The following DHRS3 variants were observed in gnomAD, a reference collection of about 807,000 sequenced individuals.
DHRS3 encodes dehydrogenase/reductase 3, also known as short-chain dehydrogenase/reductase 3.
Under a neutral mutation model 27.2 loss-of-function variants are expected in DHRS3, and 14 were observed. That is an observed-to-expected ratio of 0.52 (90% CI 0.34 to 0.81). The LOEUF (loss-of-function observed/expected upper bound fraction) is 0.81. Ranked by LOEUF, DHRS3 falls within the 30% of genes least tolerant of loss-of-function variation. DHRS3 has a pLI of 0.01. For synonymous variants in DHRS3, 165 were observed against 175.9 expected (o/e 0.94, Z 0.49); for missense variants, 322 against 406.2 (o/e 0.79, Z 1.78).
In DHRS3 at chr1:12,568,442, AAAG is replaced by A; in HGVS notation, c.825-21_825-19del. 6.2e-7 allele frequency: 1 copy of A among 1,611,718 alleles called. No individual in the cohort carries two copies. The highest frequency in any genetic ancestry group is 1.1e-5 in the South Asian group (1 of 91,038). ...GAAGTATGCTGGAGTAGGAGGAAGA[AAAG>A]AAGATAGCGATGGTTAGTGGGGCAG... On this transcript the variant is annotated intron_variant, in intron 5 of 5. Coordinates refer to ENST00000616661, the MANE Select transcript of DHRS3 (RefSeq NM_004753.7).
chr1:12,602,883 G>A (rs1362102607), intron 1 of DHRS3, among the ~76,000 whole-genome samples: 5 of 152,224 alleles, frequency 3.3e-5, no homozygotes, highest in East Asian at 3.8e-4. Flanking sequence ...GGCCTCTACC[G>A]CCCAAAAGAT....
intron 5 of DHRS3, chr1:12,570,167 T>G (rs1415579718): frequency 2.0e-5 from 3 of 152,320 alleles, no homozygotes; most frequent in South Asian, 4.1e-4. Flanking sequence ...GATGACGGTG[T>G]GGATCTGAGG....
rs956835440 is a variant in DHRS3, at chr1:12,593,976, G to A, written c.196-13310C>T. Among the ~76,000 whole-genome samples the A allele has an allele frequency of 2.0e-5, 3 of 152,190 alleles. No homozygotes were observed. The highest frequency in any genetic ancestry group is 2.9e-5 in the Non-Finnish European group (2 of 68,044). ...CCCAGGGCCGCACTTGGCAAAACAC[G>A]GAGGCAGAGAAACTCAGGCTAGAGT... On this transcript the variant is annotated intron_variant, in intron 1 of 5. Transcript: ENST00000616661. The surrounding 1 kb of genome is among the most constrained non-coding windows in gnomAD (Gnocchi z 4.6).
intron 2 of DHRS3, 44 bp downstream of exon 2, chr1:12,580,479 C>G (rs1180296800): frequency 6.2e-7 from 1 of 1,613,904 alleles, no homozygotes; most frequent in African/African-American, 1.3e-5. Flanking sequence ...CGGAATTAGC[C>G]TGTGGTCAGC....
At chr1:12,583,060 C>G (rs1203955445) in intron 1 of DHRS3, among the ~76,000 whole-genome samples, 1 of 146,686 alleles carries the variant, frequency 6.8e-6, no homozygotes, top group Admixed American at 7.0e-5. Flanking sequence ...ATCCACTCAC[C>G]TACCCCATTC....
chr1:12,580,951 T>A (rs1646638967), intron 1 of DHRS3, among the ~76,000 whole-genome samples: 1 of 151,710 alleles, frequency 6.6e-6, no homozygotes, highest in Admixed American at 6.6e-5. Flanking sequence ...GCCTCCGGAG[T>A]GGCTGGGACC....
rs1036363275 is a variant in DHRS3 at position 12,574,641 on chromosome 1, G to C, written c.699-1788C>G. ...GTGGCCTGGCCTGTCTCTTGGGAAA[G>C]GGAAGGCAGGATGGACAGACCAAAG... On this transcript the variant is annotated intron_variant, in intron 4 of 5. Coordinates refer to ENST00000616661, the MANE Select transcript of DHRS3 (RefSeq NM_004753.7). The surrounding 1 kb of genome is among the most constrained non-coding windows in gnomAD (Gnocchi z 4.6). Among the ~76,000 whole-genome samples, 1 of 152,198 alleles carries C rather than the reference G, an allele frequency of 6.6e-6. No individual in the cohort carries two copies. The highest frequency in any genetic ancestry group is 2.4e-5 in the African/African-American group (1 of 41,438).
chr1:12,610,748 C>T (rs1053427827), intron 1 of DHRS3, among the ~76,000 whole-genome samples: 3 of 152,182 alleles, frequency 2.0e-5, no homozygotes, highest in African/African-American at 4.8e-5. Flanking sequence ...TCAATGGTTT[C>T]GTAATCCTCG....
rs563181421 is a variant in DHRS3, at chr1:12,593,916, C to A, written c.196-13250G>T. On this transcript the variant is annotated intron_variant, in intron 1 of 5. Transcript: ENST00000616661. This position sits in a 1 kb window ranked among gnomAD's most constrained non-coding sequence, Gnocchi z 4.6. ...TCTTTTCACAAACATCCCCAGCCTACAAGACTGGCCAGGGGCTCCACCTCC... is the reference window on the plus strand; with the variant it reads ...TCTTTTCACAAACATCCCCAGCCTAAAAGACTGGCCAGGGGCTCCACCTCC... 6.6e-5 allele frequency among the ~76,000 whole-genome samples: 10 copies of A among 152,354 alleles called. No individual in the cohort carries two copies. The highest frequency in any genetic ancestry group is 4.1e-4 in the South Asian group (2 of 4,826).
rs940128627 is a variant in DHRS3 at position 12,586,120 on chromosome 1, C to T, written c.196-5454G>A. 2.0e-5 allele frequency among the ~76,000 whole-genome samples: 3 copies of T among 152,204 alleles called. No homozygotes were observed. The highest frequency in any genetic ancestry group is 4.4e-5 in the Non-Finnish European group (3 of 68,044). On this transcript the variant is annotated intron_variant, in intron 1 of 5. Transcript: ENST00000616661. The surrounding 1 kb of genome is among the most constrained non-coding windows in gnomAD (Gnocchi z 5.0). ...GAAAGACCTCTGGTCTCCGGGGCCC[C>T]GGGCTGTCCTGCCCTTGCCCAGAGC...
intron 5 of DHRS3, among the ~76,000 whole-genome samples, chr1:12,571,421 C>A (rs1646535431): frequency 6.6e-6 from 1 of 152,116 alleles, no homozygotes; most frequent in African/African-American, 2.4e-5. Context: ...AGTAAACTTC[C>A]TGAGGGCAGG....
intron 1 of DHRS3, chr1:12,616,746 G>C (rs56359798): frequency 9.8e-7 from 1 of 1,015,908 alleles, no homozygotes; most frequent in Non-Finnish European, 1.2e-6. Flanking sequence ...CGAGGCGCCA[G>C]CTAGCAGGCG....
Position 12,578,286 on chromosome 1 carries a change from C to T in DHRS3, c.698+432G>A, listed in dbSNP as rs1202997801. ...GCAGACCGAGAACCAGGTAAGACAG[C>T]GTCAAACAGAGGGTAGAGGCTCCTT... On this transcript the variant is annotated intron_variant, in intron 4 of 5. Transcript: ENST00000616661. This position sits in a 1 kb window ranked among gnomAD's most constrained non-coding sequence, Gnocchi z 4.5. Among the ~76,000 whole-genome samples the T allele has an allele frequency of 3.9e-5, 6 of 152,056 alleles. No homozygotes were observed. The highest frequency in any genetic ancestry group is 2.1e-4 in the South Asian group (1 of 4,824).
chr1:12,616,784 C>T, intron 1 of DHRS3: 1 of 1,141,006 alleles, frequency 8.8e-7, no homozygotes, highest in Non-Finnish European at 1.1e-6. Flanking sequence ...GGAGTGCGCA[C>T]ACCCTGCACT....
At chr1:12,600,587 T>C (rs12711523) in intron 1 of DHRS3, among the ~76,000 whole-genome samples, 47,575 of 152,070 alleles carry the variant, frequency 0.31, 7,567 homozygotes, top group East Asian at 0.38. Flanking sequence ...CAGCTCCCCA[T>C]GGTGACCTGC....
intron 2 of DHRS3, 45 bp downstream of exon 2, chr1:12,580,478 C>A (rs1480286653): frequency 1.2e-6 from 2 of 1,613,714 alleles, no homozygotes; most frequent in Non-Finnish European, 1.7e-6. Context: ...CCGGAATTAG[C>A]CTGTGGTCAG....
At chr1:12,596,124 C>G (rs915686760) in intron 1 of DHRS3, 1 of 152,264 alleles carries the variant, frequency 6.6e-6, no homozygotes, top group African/African-American at 2.4e-5. Context: ...GCAAACGCCA[C>G]CAGACATTGC....
Position 12,593,904 on chromosome 1 carries a change from A to T in DHRS3, c.196-13238T>A, listed in dbSNP as rs1447457027. 6.6e-6 allele frequency among the ~76,000 whole-genome samples: 1 copy of T among 152,202 alleles called. No individual in the cohort carries two copies. The highest frequency in any genetic ancestry group is 2.4e-5 in the African/African-American group (1 of 41,446). On this transcript the variant is annotated intron_variant, in intron 1 of 5. Transcript: ENST00000616661. This position sits in a 1 kb window ranked among gnomAD's most constrained non-coding sequence, Gnocchi z 4.6. Reference sequence around the variant, plus strand: ...CGGGCTGATGTTTCTTTTCACAAACATCCCCAGCCTACAAGACTGGCCAGG... The same window carrying T: ...CGGGCTGATGTTTCTTTTCACAAACTTCCCCAGCCTACAAGACTGGCCAGG...
At chr1:12,587,141 CTTT>C (rs564825355) in intron 1 of DHRS3, among the ~76,000 whole-genome samples, 11 of 132,288 alleles carry the variant, frequency 8.3e-5, no homozygotes, top group Admixed American at 1.5e-4. Context: ...CAACTCTAAA[CTTT>C]TTTTTTTTTT....
Sources: gnomAD v4.1 joint callset for allele counts (sites outside exome capture counted in the v4.1 genomes callset) on GRCh38, gnomAD v4.1.1 for gene constraint, Gnocchi (gnomAD v3.1) non-coding constraint, MANE v1.5 for transcripts, NCBI Gene and HGNC (gene_info 2026-07-23, HGNC 2026-07-21) for gene names.